GDPD4: variants seen among roughly 807,000 people sequenced by gnomAD.
GDPD4 encodes the protein glycerophosphodiester phosphodiesterase 6.
In GDPD4, 60 loss-of-function variants were observed where a neutral mutation model predicts 67.8. The ratio of observed to expected loss-of-function variants is 0.88; its 90% CI spans 0.72 to 1.10. The LOEUF is 1.10. Ranked by LOEUF, GDPD4 falls within the 50% of genes least tolerant of loss-of-function variation. GDPD4 has a pLI of 0.00. For missense variants in GDPD4, 623 were observed against 613.9 expected (o/e 1.01, Z -0.16); for synonymous variants, 212 against 210.9 (o/e 1.00, Z -0.04).
intron 3 of GDPD4, among the ~76,000 whole-genome samples, chr11:77,280,171 G>C (rs1447210814): frequency 3.3e-5 from 5 of 152,032 alleles, no homozygotes; most frequent in African/African-American, 9.7e-5. Context: ...GTGCTCTGTA[G>C]AAGATGAGCT....
chr11:77,279,182 A>G (rs1959635477), intron 4 of GDPD4, 124 bp downstream of exon 4: 3 of 596,926 alleles, frequency 5.0e-6, no homozygotes, highest in Non-Finnish European at 9.1e-6. Context: ...TCCCAACTCT[A>G]CTAAGACAAG....
chr11:77,275,780 T>A (rs757909456), intron 5 of GDPD4, among the ~76,000 whole-genome samples: 3 of 152,164 alleles, frequency 2.0e-5, no homozygotes, highest in Non-Finnish European at 4.4e-5. Flanking sequence ...GGAGCTTAGG[T>A]TATTACAGTG....
chr11:77,271,006 A>C (rs1684258407), intron 7 of GDPD4, 124 bp downstream of exon 7: 2 of 679,402 alleles, frequency 2.9e-6, no homozygotes, highest in Non-Finnish European at 5.1e-6. Flanking sequence ...CTGAGTAACA[A>C]GCTAAATGAA....
intron 11 of GDPD4, among the ~76,000 whole-genome samples, chr11:77,251,190 T>A (rs906392726): frequency 1.3e-5 from 2 of 152,222 alleles, no homozygotes; most frequent in African/African-American, 4.8e-5. Context: ...GTTAATTGTA[T>A]TATGTTTGTT....
At chr11:77,225,876 G>T (rs1308095293) in intron 16 of GDPD4, among the ~76,000 whole-genome samples, 2 of 152,242 alleles carry the variant, frequency 1.3e-5, no homozygotes, top group South Asian at 4.2e-4. Flanking sequence ...TATGGCTGAG[G>T]TCCTGACTTC....
At chr11:77,248,068 A>AG (rs1185843471) in intron 11 of GDPD4, among the ~76,000 whole-genome samples, 1 of 150,680 alleles carries the variant, frequency 6.6e-6, no homozygotes, top group Non-Finnish European at 1.5e-5. Context: ...AAAAAAAAAA[A>AG]AAAGAAAAGA....
At chr11:77,235,970 A>C (rs1417077205) in intron 13 of GDPD4, among the ~76,000 whole-genome samples, 2 of 151,386 alleles carry the variant, frequency 1.3e-5, no homozygotes, top group Non-Finnish European at 2.9e-5. Context: ...AAAAACAAAA[A>C]AAAAACAAAA....
At chr11:77,230,219 T>C (rs1487068311) in intron 14 of GDPD4, among the ~76,000 whole-genome samples, 2 of 152,126 alleles carry the variant, frequency 1.3e-5, no homozygotes, top group Admixed American at 6.6e-5. Context: ...AGTTGGCTGA[T>C]TGCTCCAAGA....
Position 77,216,600 on chromosome 11 carries a change from T to C in GDPD4, c.*677A>G, listed in dbSNP as rs896936591. 1 of 331,868 alleles carries C rather than the reference T, an allele frequency of 3.0e-6. No homozygotes were observed. Among genetic ancestry groups the C allele is most frequent in the Non-Finnish European group, 5.6e-6 (1 of 178,552 alleles). The allele number at this position is 331,868 out of a possible 1,614,324, so 20.6% of individuals were successfully genotyped here. A position where few individuals can be genotyped will look rare whatever the true frequency, so the allele number is the denominator to read the frequency against. ...TTACTTATATGCACAGTCACTCCTT[T>C]AGCAGAAAATATTATGGAGGTGTTA... is the stretch of plus-strand genomic sequence containing the variant. On this transcript the variant is annotated 3_prime_UTR_variant, in exon 17 of 17. Transcript: ENST00000315938.
Position 77,269,036 on chromosome 11 carries a change from A to C in GDPD4, c.512T>G (p.Leu171Arg). Residue 171 changes from leucine (L) to arginine (R), a missense_variant, in exon 9 of 17, where the codon CTT becomes CGT. Transcript: ENST00000315938. ...CATCAAATAGAGACCTAAAAGGATA[A>C]GAAGAAAGGGTAATCCAACAGGCAC... ...LQVPVGLPFL[L>R]ILLGLYLMPL... The C allele has an allele frequency of 1.9e-6, 3 of 1,614,018 alleles. No individual in the cohort carries two copies. Among genetic ancestry groups the C allele is most frequent in the Non-Finnish European group, 2.5e-6 (3 of 1,179,898 alleles).
Position 77,217,323 on chromosome 11 carries a change from T to G in GDPD4, c.1526-9A>C, listed in dbSNP as rs1167199399. 9.4e-6 allele frequency: 15 copies of G among 1,598,316 alleles called. No homozygotes were observed. The highest frequency in any genetic ancestry group is 1.2e-5 in the Non-Finnish European group (14 of 1,165,656). On this transcript the variant is annotated splice_polypyrimidine_tract_variant and intron_variant, in intron 16 of 16. Transcript: ENST00000315938. Reference sequence around the variant, plus strand: ...ACTTCCACTCTGAGTATCTGTGGGATGGAAAAGACACAGATTCCTCAAATG... The same window carrying G: ...ACTTCCACTCTGAGTATCTGTGGGAGGGAAAAGACACAGATTCCTCAAATG...
Position 77,232,945 on chromosome 11 carries a change from C to G in GDPD4, c.1389+80G>C, listed in dbSNP as rs555926553. 3 of 1,333,224 alleles carry G rather than the reference C, an allele frequency of 2.3e-6. No homozygotes were observed. The African/African-American group carries it at 4.3e-5, about 19-fold the overall frequency. The allele number at this position is 1,333,224 out of a possible 1,614,324, so 82.6% of individuals were successfully genotyped here. A position where few individuals can be genotyped will look rare whatever the true frequency, so the allele number is the denominator to read the frequency against. ...TCTTAAGTGGCTGCCCAGGGGATGG[C>G]ACAGTGGGCAACACAGGGCTGGGGG... is the stretch of plus-strand genomic sequence containing the variant. On this transcript the variant is annotated intron_variant, in intron 14 of 16. Transcript: ENST00000315938.
intron 1 of GDPD4, among the ~76,000 whole-genome samples, chr11:77,299,736 G>A (rs574506618): frequency 6.6e-6 from 1 of 152,278 alleles, no homozygotes; most frequent in East Asian, 1.9e-4. Flanking sequence ...TGCCTCACCG[G>A]ATGTCTGTTC....
intron 13 of GDPD4, among the ~76,000 whole-genome samples, chr11:77,242,348 T>C (rs900364867): frequency 6.6e-6 from 1 of 152,204 alleles, no homozygotes; most frequent in Non-Finnish European, 1.5e-5. Flanking sequence ...TAAAAAACTT[T>C]GTAGTATCAC....
intron 16 of GDPD4, among the ~76,000 whole-genome samples, chr11:77,223,738 C>T (rs888664063): frequency 5.9e-5 from 9 of 152,092 alleles, no homozygotes; most frequent in African/African-American, 2.2e-4. Flanking sequence ...AGCTGTCAGA[C>T]AGGGACGTTT....
rs200415079 is a variant in GDPD4, at chr11:77,217,312, T to C, written c.1528A>G (p.Thr510Ala). Residue 510 changes from threonine to alanine, a missense_variant and splice_region_variant, in exon 17 of 17, where the codon ACT becomes GCT. Thr to Ala is a moderately conservative substitution (Grantham distance 58). Transcript: ENST00000315938. ...LFETSSTRTD[T>A]QSGSKNEEDR ...TCCTCATTCTTACTTCCACTCTGAG[T>C]ATCTGTGGGATGGAAAAGACACAGA... 8.4e-5 allele frequency: 134 copies of C among 1,604,652 alleles called. No homozygotes were observed. The Middle Eastern group carries it at 9.9e-4, about 12-fold the overall frequency.
At chr11:77,270,740 G>T (rs1451077066) in intron 7 of GDPD4, among the ~76,000 whole-genome samples, 2 of 152,074 alleles carry the variant, frequency 1.3e-5, no homozygotes, top group East Asian at 3.9e-4. Flanking sequence ...AACAAAAAAA[G>T]AAACTACTAA....
At chr11:77,299,373 A>G (rs1394343638) in intron 1 of GDPD4, among the ~76,000 whole-genome samples, 1 of 152,062 alleles carries the variant, frequency 6.6e-6, no homozygotes, top group East Asian at 1.9e-4. Context: ...AACCCTAACC[A>G]CTTTATTTAA....
intron 10 of GDPD4, among the ~76,000 whole-genome samples, chr11:77,262,285 C>T (rs1056848909): frequency 2.0e-5 from 3 of 152,126 alleles, no homozygotes; most frequent in Non-Finnish European, 2.9e-5. Flanking sequence ...AATTATGGTA[C>T]CCTTGACCCC....
Sources: allele counts gnomAD v4.1 joint callset (sites outside exome capture counted in the v4.1 genomes callset), GRCh38; gene constraint gnomAD v4.1.1; transcripts MANE v1.5; gene names NCBI Gene and HGNC (gene_info 2026-07-23, HGNC 2026-07-21).